MAP2K5: variants seen among roughly 807,000 people sequenced by gnomAD.
MAP2K5 encodes the protein mitogen-activated protein kinase kinase 5.
A neutral mutation model predicts 83.1 loss-of-function variants in MAP2K5; 49 were observed. The observed-to-expected ratio is 0.59, with a 90% CI of 0.47 to 0.75. The LOEUF (loss-of-function observed/expected upper bound fraction) is 0.75, where lower values mean the gene tolerates loss of function less well. Among genes scored for constraint, MAP2K5 ranks in the 30% least tolerant of loss-of-function variants. The pLI is 0.00. For missense variants in MAP2K5, 457 were observed against 557.5 expected (o/e 0.82, Z 1.82); for synonymous variants, 202 against 191.8 (o/e 1.05, Z -0.44).
At chr15:67,730,257 G>A (rs1383999372) in intron 17 of MAP2K5, among the ~76,000 whole-genome samples, 1 of 152,112 alleles carries the variant, frequency 6.6e-6, no homozygotes, top group Non-Finnish European at 1.5e-5. Context: ...GAAGAAAAAT[G>A]TGTATTTTTA....
intron 12 of MAP2K5, chr15:67,658,954 C>A (rs1418578439): frequency 2.6e-6 from 1 of 381,678 alleles, no homozygotes; most frequent in Admixed American, 3.6e-5. Context: ...ATATGATTAG[C>A]AAATACTTAA....
intron 17 of MAP2K5, among the ~76,000 whole-genome samples, chr15:67,739,090 G>C (rs949068188): frequency 3.3e-5 from 5 of 151,856 alleles, no homozygotes; most frequent in Non-Finnish European, 7.4e-5. Flanking sequence ...GACCAGCCTG[G>C]GCAACACAGG....
intron 13 of MAP2K5, among the ~76,000 whole-genome samples, chr15:67,674,939 A>C (rs997937966): frequency 3.9e-5 from 6 of 152,216 alleles, no homozygotes; most frequent in African/African-American, 1.4e-4. Context: ...CTAAAATAAA[A>C]AATAGTAACA....
At chr15:67,762,958 C>T (rs1479199722) in intron 19 of MAP2K5, among the ~76,000 whole-genome samples, 1 of 152,140 alleles carries the variant, frequency 6.6e-6, no homozygotes, top group East Asian at 1.9e-4. Flanking sequence ...GACAGAACGT[C>T]ACACCAAAAT....
chr15:67,798,194 T>C (rs2090638467), intron 21 of MAP2K5, among the ~76,000 whole-genome samples: 1 of 152,170 alleles, frequency 6.6e-6, no homozygotes, highest in Non-Finnish European at 1.5e-5. Context: ...CTCAGTATCA[T>C]CTGGAGCAGA....
At position 67,549,171 on chromosome 15, in the gene MAP2K5, T is replaced by C. The variant is rs1292674024; in HGVS notation, c.136-863T>C. 4 of 1,535,696 alleles carry C rather than the reference T, an allele frequency of 2.6e-6. No individual in the cohort carries two copies. The South Asian group carries it at 3.6e-5, about 14-fold the overall frequency. On this transcript the variant is annotated intron_variant, in intron 1 of 21. Coordinates refer to ENST00000178640, the MANE Select transcript of MAP2K5 (RefSeq NM_145160.3). ...AATGAGGTTTGCAGGCCATTGGAGT[T>C]GGACTGGACATGATGGAGGGTCACT... is the stretch of plus-strand genomic sequence containing the variant.
chr15:67,661,761 T>C (rs2087243098), intron 12 of MAP2K5, among the ~76,000 whole-genome samples: 1 of 152,118 alleles, frequency 6.6e-6, no homozygotes, highest in African/African-American at 2.4e-5. Flanking sequence ...AGTGGTGAGC[T>C]ATCTTTAATG....
chr15:67,748,874 C>G lies in MAP2K5; in HGVS notation c.1134+273C>G, dbSNP rs1338689493. Among the ~76,000 whole-genome samples the G allele has an allele frequency of 2.0e-5, 3 of 152,190 alleles. No homozygotes were observed. Among genetic ancestry groups the G allele is most frequent in the African/African-American group, 7.2e-5 (3 of 41,444 alleles). On this transcript the variant is annotated intron_variant, in intron 19 of 21. Coordinates refer to ENST00000178640, the MANE Select transcript of MAP2K5 (RefSeq NM_145160.3). This position sits in a 1 kb window ranked among gnomAD's most constrained non-coding sequence, Gnocchi z 4.0. ...AAACACAATAATATTAATTGACCCT[C>G]TCCCTGGCCAGATGGGGATGGAACT... is the stretch of plus-strand genomic sequence containing the variant.
Position 67,717,058 on chromosome 15 carries a change from T to G in MAP2K5, c.1045-10858T>G, listed in dbSNP as rs2088843460. Among the ~76,000 whole-genome samples the G allele has an allele frequency of 6.6e-6, 1 of 152,194 alleles. No homozygotes were observed. Among genetic ancestry groups the G allele is most frequent in the Non-Finnish European group, 1.5e-5 (1 of 68,028 alleles). ...TCTGACTCATGGATTCAAGTCTGCT[T>G]CTTCCATTATGCTTTAGGAAAGTAG... On this transcript the variant is annotated intron_variant, in intron 16 of 21. Transcript: ENST00000178640. The surrounding 1 kb of genome is among the most constrained non-coding windows in gnomAD (Gnocchi z 4.1).
At chr15:67,767,069 C>G (rs1311353014) in intron 19 of MAP2K5, among the ~76,000 whole-genome samples, 1 of 152,134 alleles carries the variant, frequency 6.6e-6, no homozygotes, top group Non-Finnish European at 1.5e-5. Context: ...GCAAAGTCGA[C>G]TTGGGCTGGC....
At chr15:67,592,047 G>T (rs1276442339) in intron 6 of MAP2K5, among the ~76,000 whole-genome samples, 1 of 149,680 alleles carries the variant, frequency 6.7e-6, no homozygotes, top group Non-Finnish European at 1.5e-5. Context: ...GGAGGTGGAG[G>T]TTGTGGTGAG....
intron 2 of MAP2K5, among the ~76,000 whole-genome samples, chr15:67,551,664 A>G (rs2084513398): frequency 6.6e-6 from 1 of 152,088 alleles, no homozygotes; most frequent in African/African-American, 2.4e-5. Flanking sequence ...TTTTGGAGAT[A>G]GGGTCTCACT....
rs1053900820 is a variant in MAP2K5, at chr15:67,572,086, T to C, written c.253-8668T>C. Among the ~76,000 whole-genome samples the C allele has an allele frequency of 1.2e-4, 18 of 152,146 alleles. No individual in the cohort carries two copies. Among genetic ancestry groups the C allele is most frequent in the African/African-American group, 4.1e-4 (17 of 41,420 alleles). ...AGCACAAGAAGTGTCTAATCTAGCT[T>C]TGGGGACCAAAAAGGCTTCCTGAAG... On this transcript the variant is annotated intron_variant, in intron 3 of 21. Coordinates refer to ENST00000178640, the MANE Select transcript of MAP2K5 (RefSeq NM_145160.3). This position sits in a 1 kb window ranked among gnomAD's most constrained non-coding sequence, Gnocchi z 4.2.
intron 16 of MAP2K5, among the ~76,000 whole-genome samples, chr15:67,718,741 G>A (rs2088886278): frequency 6.6e-6 from 1 of 152,148 alleles, no homozygotes; most frequent in Non-Finnish European, 1.5e-5. Flanking sequence ...TCCAGCTTGG[G>A]TGACAGAGCG....
At chr15:67,632,009 G>A (rs184460376) in intron 9 of MAP2K5, among the ~76,000 whole-genome samples, 3 of 151,664 alleles carry the variant, frequency 2.0e-5, no homozygotes, top group African/African-American at 7.3e-5. Flanking sequence ...GTTACTTCCC[G>A]TCATGCCCTT....
intron 17 of MAP2K5, among the ~76,000 whole-genome samples, chr15:67,739,522 C>G (rs1181325732): frequency 1.8e-5 from 2 of 113,450 alleles, no homozygotes; most frequent in African/African-American, 6.8e-5. Flanking sequence ...ACTCTGTTGC[C>G]CAGGCTGGAG....
intron 2 of MAP2K5, 88 bp downstream of exon 2, chr15:67,550,170 C>T (rs994305408): frequency 1.1e-6 from 1 of 948,390 alleles, no homozygotes; most frequent in Non-Finnish European, 1.7e-6. Flanking sequence ...TAGAAACTGA[C>T]AAAAACAGAT....
chr15:67,786,851 A>G lies in MAP2K5; in HGVS notation c.1242+14099A>G, dbSNP rs951358421. Reference sequence around the variant, plus strand: ...CTGGCATAAAATAAGTGTTCAATAAATGGTAACCATTTTTATCGTCATTGT... The same window carrying G: ...CTGGCATAAAATAAGTGTTCAATAAGTGGTAACCATTTTTATCGTCATTGT... On this transcript the variant is annotated intron_variant, in intron 21 of 21. Transcript: ENST00000178640. The surrounding 1 kb of genome is among the most constrained non-coding windows in gnomAD (Gnocchi z 4.7). Among the ~76,000 whole-genome samples, 4 of 152,260 alleles carry G rather than the reference A, an allele frequency of 2.6e-5. No individual in the cohort carries two copies. The highest frequency in any genetic ancestry group is 7.2e-5 in the African/African-American group (3 of 41,466).
At position 67,630,903 on chromosome 15, in the gene MAP2K5, G is replaced by C; in HGVS notation, c.561G>C (p.Pro187=). Residue 187 remains proline, a synonymous_variant, in exon 9 of 22, where the codon CCG becomes CCC. Coordinates refer to ENST00000178640, the MANE Select transcript of MAP2K5 (RefSeq NM_145160.3). The part of the protein sequence containing the change: ...GGTVYKAYHV[P]SGKILAVKVI... ...CTTCCCATAGAGCATATCATGTCCC[G>C]AGTGGGAAAATATTAGCTGTAAAGG... 1 of 1,609,428 alleles carries C rather than the reference G, an allele frequency of 6.2e-7. No individual in the cohort carries two copies. Among genetic ancestry groups the C allele is most frequent in the Non-Finnish European group, 8.5e-7 (1 of 1,177,426 alleles).
Sources: allele counts gnomAD v4.1 joint callset (sites outside exome capture counted in the v4.1 genomes callset), GRCh38; gene constraint gnomAD v4.1.1; non-coding constraint Gnocchi (gnomAD v3.1); transcripts MANE v1.5; gene names NCBI Gene and HGNC (gene_info 2026-07-23, HGNC 2026-07-21).